Variants in KIAA0825 observed in about 807,000 individuals in gnomAD.
KIAA0825 encodes the protein uncharacterized protein KIAA0825.
A neutral mutation model predicts 147.6 loss-of-function variants in KIAA0825; 119 were observed. The ratio of observed to expected loss-of-function variants is 0.81; its 90% CI spans 0.69 to 0.94. The LOEUF (loss-of-function observed/expected upper bound fraction) is 0.94, where lower values mean the gene tolerates loss of function less well. KIAA0825 is among the 40% of genes least tolerant of loss of function. The probability of loss-of-function intolerance (pLI) is 0.00; values close to 1 mark genes in which losing one functional copy is unlikely to be tolerated. For missense variants in KIAA0825, 1,381 were observed against 1,472.7 expected, an observed-to-expected ratio of 0.94 and a Z score of 1.02; for synonymous variants, 470 against 518.1, an observed-to-expected ratio of 0.91 and a Z score of 1.26.
intron 20 of KIAA0825, among the ~76,000 whole-genome samples, chr5:94,369,074 C>G (rs993568820): frequency 1.3e-5 from 2 of 152,096 alleles, no homozygotes; most frequent in African/African-American, 4.8e-5. Flanking sequence ...GGGAGGATCA[C>G]TTGGTCCTGG....
chr5:94,515,018 G>A (rs1767008283), intron 5 of KIAA0825, among the ~76,000 whole-genome samples: 2 of 152,104 alleles, frequency 1.3e-5, no homozygotes, highest in African/African-American at 4.8e-5. Context: ...CCTTTTTCAA[G>A]CTAACAATAA....
chr5:94,532,378 T>A (rs1442534514), intron 3 of KIAA0825, among the ~76,000 whole-genome samples: 1 of 152,094 alleles, frequency 6.6e-6, no homozygotes, highest in East Asian at 1.9e-4. Flanking sequence ...CTCAAATTCC[T>A]GAGCTCAAAA....
intron 20 of KIAA0825, among the ~76,000 whole-genome samples, chr5:94,208,028 T>G (rs1286352079): frequency 6.6e-6 from 1 of 152,172 alleles, no homozygotes; most frequent in Admixed American, 6.6e-5. Flanking sequence ...ATCTGAAATA[T>G]TTATAAAACA....
At chr5:94,474,582 C>A (rs1054686761) in intron 7 of KIAA0825, among the ~76,000 whole-genome samples, 12 of 152,014 alleles carry the variant, frequency 7.9e-5, no homozygotes, top group African/African-American at 2.9e-4. Flanking sequence ...CTTATATGTA[C>A]AACTCATTCA....
intron 7 of KIAA0825, among the ~76,000 whole-genome samples, chr5:94,476,588 CTCCATCAATGCCTTCCATGAGGTCT>C (rs1761920912): frequency 6.6e-6 from 1 of 152,142 alleles, no homozygotes; most frequent in Non-Finnish European, 1.5e-5. Context: ...AACTCCTATG[CTCCATCAATGCCTTCCATGAGGTCT>C]TCCATCAATG....
chr5:94,257,230 G>C lies in KIAA0825; in HGVS notation c.3711-103106C>G, dbSNP rs1776291850. ...TTCTAGGAAGTAGTTTGCTAGACTA[G>C]AACTCTTGGGGTCGTTTCTAGGTTT... On this transcript the variant is annotated intron_variant, in intron 20 of 20. Coordinates refer to ENST00000682413, the MANE Select transcript of KIAA0825 (RefSeq NM_001145678.3). 1.3e-5 allele frequency among the ~76,000 whole-genome samples: 2 copies of C among 152,106 alleles called. 1 individual carries two copies. The highest frequency in any genetic ancestry group is 4.1e-4 in the South Asian group (2 of 4,824).
At chr5:94,440,540 T>C (rs1360938857) in intron 13 of KIAA0825, among the ~76,000 whole-genome samples, 1 of 152,176 alleles carries the variant, frequency 6.6e-6, no homozygotes, top group Non-Finnish European at 1.5e-5. Flanking sequence ...CACTAGTTTG[T>C]AATTTGCTAT....
intron 2 of KIAA0825, among the ~76,000 whole-genome samples, chr5:94,540,206 A>G (rs1773007749): frequency 1.3e-5 from 2 of 152,238 alleles, no homozygotes; most frequent in African/African-American, 2.4e-5. Context: ...AATGGGAAAA[A>G]GGACTTGTGA....
At chr5:94,536,628 G>A (rs1194608398) in intron 3 of KIAA0825, among the ~76,000 whole-genome samples, 2 of 152,244 alleles carry the variant, frequency 1.3e-5, no homozygotes, top group East Asian at 1.9e-4. Context: ...CCAATATTAT[G>A]CAAAAATAAT....
chr5:94,171,970 T>C (rs1200594512), intron 20 of KIAA0825, among the ~76,000 whole-genome samples: 4 of 152,154 alleles, frequency 2.6e-5, no homozygotes, highest in African/African-American at 9.7e-5. Flanking sequence ...TGCGCCTCAA[T>C]GTATTTGAAC....
At chr5:94,229,288 G>C (rs1204381235) in intron 20 of KIAA0825, among the ~76,000 whole-genome samples, 1 of 152,092 alleles carries the variant, frequency 6.6e-6, no homozygotes, top group African/African-American at 2.4e-5. Context: ...GCAAGTCTTT[G>C]GTTTTCAGTG....
intron 20 of KIAA0825, among the ~76,000 whole-genome samples, chr5:94,287,631 C>T (rs1777716687): frequency 6.6e-6 from 1 of 152,068 alleles, no homozygotes; most frequent in Non-Finnish European, 1.5e-5. Flanking sequence ...AGGCTGTTTC[C>T]TCTCAAGATG....
At chr5:94,480,567 C>T (rs1762382238) in intron 6 of KIAA0825, among the ~76,000 whole-genome samples, 1 of 151,952 alleles carries the variant, frequency 6.6e-6, no homozygotes, top group South Asian at 2.1e-4. Context: ...CTGGAAGTAA[C>T]TGTCTGCTAT....
At chr5:94,201,504 C>T (rs989388662) in intron 20 of KIAA0825, among the ~76,000 whole-genome samples, 2 of 152,004 alleles carry the variant, frequency 1.3e-5, no homozygotes, top group Non-Finnish European at 2.9e-5. Flanking sequence ...ATCCTTTGTG[C>T]TCAAGTGGTC....
At chr5:94,389,357 C>G (rs150467612) in intron 18 of KIAA0825, among the ~76,000 whole-genome samples, 2 of 152,212 alleles carry the variant, frequency 1.3e-5, no homozygotes, top group African/African-American at 2.4e-5. Flanking sequence ...CCAGTAAAAC[C>G]CCATGTCTTG....
chr5:94,335,294 A>G (rs945834218), intron 20 of KIAA0825, among the ~76,000 whole-genome samples: 1 of 152,022 alleles, frequency 6.6e-6, no homozygotes, highest in Non-Finnish European at 1.5e-5. Context: ...ATGATATTCA[A>G]TTTTCCTACT....
At chr5:94,390,755 T>C (rs539042144) in intron 18 of KIAA0825, among the ~76,000 whole-genome samples, 18 of 152,340 alleles carry the variant, frequency 1.2e-4, no homozygotes, top group Non-Finnish European at 2.2e-4. Context: ...TGAAAATGTA[T>C]GGTTATAAGG....
At chr5:94,581,275 C>A (rs2152358733) in intron 2 of KIAA0825, among the ~76,000 whole-genome samples, 1 of 152,258 alleles carries the variant, frequency 6.6e-6, no homozygotes, top group East Asian at 1.9e-4. Context: ...TTACATTTTT[C>A]TTAATCAAAT....
chr5:94,167,186 C>G (rs980390621), intron 20 of KIAA0825, among the ~76,000 whole-genome samples: 1 of 152,142 alleles, frequency 6.6e-6, no homozygotes, highest in Non-Finnish European at 1.5e-5. Flanking sequence ...TGAAAATCCA[C>G]AAAAGCTTTT....
Sources: allele counts gnomAD v4.1 joint callset (sites outside exome capture counted in the v4.1 genomes callset), GRCh38; gene constraint gnomAD v4.1.1; transcripts MANE v1.5; gene names NCBI Gene and HGNC (gene_info 2026-07-23, HGNC 2026-07-21).